MCTP1: variants seen among roughly 807,000 people sequenced by gnomAD.
MCTP1 encodes the protein multiple C2 and transmembrane domain-containing protein 1.
In MCTP1, 69 loss-of-function variants were observed where a neutral mutation model predicts 120.6. The ratio of observed to expected loss-of-function variants is 0.57; its 90% CI spans 0.47 to 0.70. MCTP1 has a LOEUF of 0.70. Among genes scored for constraint, MCTP1 ranks in the 30% least tolerant of loss-of-function variants. MCTP1 has a pLI of 0.00. For synonymous variants in MCTP1, 529 were observed against 493.1 expected (o/e 1.07, Z -0.96); for missense variants, 1,203 against 1,248.8 (o/e 0.96, Z 0.55).
intron 1 of MCTP1, among the ~76,000 whole-genome samples, chr5:95,104,952 C>T (rs888744506): frequency 2.2e-4 from 33 of 152,158 alleles, no homozygotes; most frequent in Admixed American, 1.8e-3. Context: ...TCCCTAAGTT[C>T]TTCCTTTATC....
At chr5:94,989,005 G>A (rs1830984616) in intron 2 of MCTP1, among the ~76,000 whole-genome samples, 1 of 152,158 alleles carries the variant, frequency 6.6e-6, no homozygotes, top group African/African-American at 2.4e-5. Flanking sequence ...CATGACAAGT[G>A]GGGATTATGG....
chr5:95,174,465 C>G (rs1364135308), intron 1 of MCTP1, among the ~76,000 whole-genome samples: 1 of 152,070 alleles, frequency 6.6e-6, no homozygotes. Flanking sequence ...TAAGAACAAG[C>G]CTTCAAATTC....
intron 1 of MCTP1, among the ~76,000 whole-genome samples, chr5:95,021,793 T>C (rs900459686): frequency 2.0e-5 from 3 of 152,152 alleles, no homozygotes; most frequent in Non-Finnish European, 4.4e-5. Context: ...TGTGTTATCT[T>C]CTAAAGACTG....
chr5:95,145,728 C>T (rs530060748), intron 1 of MCTP1, among the ~76,000 whole-genome samples: 4 of 152,208 alleles, frequency 2.6e-5, no homozygotes, highest in South Asian at 2.1e-4. Flanking sequence ...CCTTGCATCC[C>T]GGGAACACAG....
At chr5:95,082,319 A>G (rs1249155400) in intron 1 of MCTP1, among the ~76,000 whole-genome samples, 4 of 152,242 alleles carry the variant, frequency 2.6e-5, no homozygotes, top group Admixed American at 1.3e-4. Context: ...GCAATTTTAC[A>G]TGCTTTCTCC....
intron 1 of MCTP1, among the ~76,000 whole-genome samples, chr5:95,116,966 G>A (rs1757868402): frequency 6.6e-6 from 1 of 152,056 alleles, no homozygotes; most frequent in Non-Finnish European, 1.5e-5. Flanking sequence ...GATAAAGTAT[G>A]GAGAAAATTT....
intron 1 of MCTP1, among the ~76,000 whole-genome samples, chr5:95,278,979 A>T (rs895659852): frequency 6.6e-6 from 1 of 151,362 alleles, no homozygotes; most frequent in Non-Finnish European, 1.5e-5. Flanking sequence ...AAAAAAAAAA[A>T]TTATTTTCTG....
intron 1 of MCTP1, among the ~76,000 whole-genome samples, chr5:95,133,145 T>TA (rs1199664284): frequency 6.6e-6 from 1 of 152,144 alleles, no homozygotes; most frequent in African/African-American, 2.4e-5. Context: ...GGAGACAATA[T>TA]AAAAAATGCC....
intron 1 of MCTP1, among the ~76,000 whole-genome samples, chr5:95,113,267 C>G (rs1198883018): frequency 6.6e-6 from 1 of 152,072 alleles, no homozygotes; most frequent in African/African-American, 2.4e-5. Context: ...CCAGGAAGAA[C>G]ACCAAGATAA....
chr5:94,983,859 T>C (rs1829978745), intron 2 of MCTP1, among the ~76,000 whole-genome samples: 1 of 152,220 alleles, frequency 6.6e-6, no homozygotes, highest in African/African-American at 2.4e-5. Context: ...AGCAACCTTG[T>C]GGCCATCTAA....
chr5:94,969,219 G>T (rs1826252987), intron 2 of MCTP1, among the ~76,000 whole-genome samples: 1 of 152,118 alleles, frequency 6.6e-6, no homozygotes, highest in African/African-American at 2.4e-5. Context: ...GCAGGATACT[G>T]ATGGGCACTT....
chr5:94,999,109 G>C (rs1474050975), intron 2 of MCTP1, among the ~76,000 whole-genome samples: 2 of 152,144 alleles, frequency 1.3e-5, no homozygotes, highest in Non-Finnish European at 2.9e-5. Flanking sequence ...TACATACTTT[G>C]TATACTTTAT....
chr5:95,136,382 T>C (rs530621654), intron 1 of MCTP1, among the ~76,000 whole-genome samples: 1 of 152,340 alleles, frequency 6.6e-6, no homozygotes, highest in Admixed American at 6.5e-5. Flanking sequence ...GGTTCAGGCT[T>C]GGTATCTCTG....
In MCTP1 at chr5:95,002,405, C is replaced by T. The variant is rs899849649; in HGVS notation, c.838+14962G>A. ...TATGCCTGGAAAAGCCACAGACACT[C>T]GATGCCAGCCTGTGAAAGCAACCAG... On this transcript the variant is annotated intron_variant, in intron 2 of 22. Coordinates refer to ENST00000515393, the MANE Select transcript of MCTP1 (RefSeq NM_024717.7). 2.6e-5 allele frequency among the ~76,000 whole-genome samples: 4 copies of T among 152,256 alleles called. No homozygotes were observed. In the East Asian group the frequency reaches 5.8e-4, roughly 22 times the overall value.
chr5:94,707,567 C>T lies in MCTP1; in HGVS notation c.2929G>A (p.Val977Met). ...LSRVPSDVQV[V>M]QYQELKPDPS... is the part of the protein sequence containing the mutation. Reference sequence around the variant, plus strand: ...TCTGGTTTCAGTTCTTGGTATTGCACCTGTTTAAACAGAGTTCAGAGGAAG... The same window carrying T: ...TCTGGTTTCAGTTCTTGGTATTGCATCTGTTTAAACAGAGTTCAGAGGAAG... The change falls in exon 23 of 23, where the codon GTG becomes ATG. Residue 977 changes from valine to methionine, a missense_variant and splice_region_variant. Val to Met is a conservative substitution (Grantham distance 21). Around this residue, in one of 2 missense-constraint regions of MCTP1, gnomAD observed 740 missense variants for 871.1 expected, o/e 0.85. Coordinates refer to ENST00000515393, the MANE Select transcript of MCTP1 (RefSeq NM_024717.7). 1 of 1,610,492 alleles carries T rather than the reference C, an allele frequency of 6.2e-7. No individual in the cohort carries two copies. Among genetic ancestry groups the T allele is most frequent in the Non-Finnish European group, 8.5e-7 (1 of 1,177,454 alleles).
At chr5:95,212,545 G>A (rs868519622) in intron 1 of MCTP1, among the ~76,000 whole-genome samples, 33 of 152,178 alleles carry the variant, frequency 2.2e-4, no homozygotes, top group Middle Eastern at 3.4e-3. Context: ...CCAAAGCCGC[G>A]CACAGACACA....
intron 17 of MCTP1, among the ~76,000 whole-genome samples, chr5:94,851,755 C>A: frequency 6.6e-6 from 1 of 151,980 alleles, no homozygotes; most frequent in East Asian, 1.9e-4. Context: ...CGAGTTTATT[C>A]TGATTTATAG....
chr5:95,068,745 G>A, intron 1 of MCTP1: 2 of 1,213,554 alleles, frequency 1.6e-6, no homozygotes, highest in African/African-American at 3.2e-5. Context: ...TAAACACCGA[G>A]CTAACACACT....
At chr5:94,744,261 G>A (rs571435612) in intron 19 of MCTP1, among the ~76,000 whole-genome samples, 14 of 152,314 alleles carry the variant, frequency 9.2e-5, no homozygotes, top group East Asian at 5.8e-4. Flanking sequence ...GGCGTGAGCC[G>A]TTGAGCTCAG....
Sources: allele counts gnomAD v4.1 joint callset (sites outside exome capture counted in the v4.1 genomes callset), GRCh38; gene constraint gnomAD v4.1.1; regional missense constraint gnomAD v4.1.1; transcripts MANE v1.5; gene names NCBI Gene and HGNC (gene_info 2026-07-23, HGNC 2026-07-21).